The following TIMM44 variants were observed in gnomAD, a reference collection of about 807,000 sequenced individuals.
TIMM44 encodes the protein translocase of inner mitochondrial membrane 44, also known as mitochondrial import inner membrane translocase subunit TIM44.
TIMM44 carries 37 observed loss-of-function variants against 63.8 expected under a neutral mutation model. The observed-to-expected ratio is 0.58, with a 90% CI of 0.45 to 0.76. The LOEUF (loss-of-function observed/expected upper bound fraction) is 0.76, where lower values mean the gene tolerates loss of function less well. TIMM44 is among the 30% of genes least tolerant of loss of function. The pLI is 0.00. For missense variants in TIMM44, 573 were observed against 603.8 expected (o/e 0.95, Z 0.54); for synonymous variants, 239 against 245.1 (o/e 0.98, Z 0.23).
At position 7,943,469 on chromosome 19, in the gene TIMM44, AC is replaced by A; in HGVS notation, c.45+137del. ...TGTGCCCCCTGTCCTGGCCTCTGCT[AC>A]CCAAAGATCTAACCCCAAGCTTTCT... On this transcript the variant is annotated intron_variant, in intron 1 of 12. Transcript: ENST00000270538. This position sits in a 1 kb window ranked among gnomAD's most constrained non-coding sequence, Gnocchi z 4.3. 1 of 1,057,808 alleles carries A rather than the reference AC, an allele frequency of 9.5e-7. No individual in the cohort carries two copies. Among genetic ancestry groups the A allele is most frequent in the Non-Finnish European group, 1.4e-6 (1 of 717,058 alleles). 65.5% of individuals were successfully genotyped at this position (1,057,808 alleles called of 1,614,324 possible).
chr19:7,937,547 C>A (rs1388668485), intron 3 of TIMM44, among the ~76,000 whole-genome samples: 1 of 152,206 alleles, frequency 6.6e-6, no homozygotes, highest in African/African-American at 2.4e-5. Flanking sequence ...ATGGCAGAAC[C>A]CAGAGGCCTG....
Position 7,940,232 on chromosome 19 carries a change from T to TA in TIMM44, c.141+869dup, listed in dbSNP as rs570613284. Among the ~76,000 whole-genome samples, 1,838 of 139,254 alleles carry TA rather than the reference T, an allele frequency of 0.013. 124 individuals are homozygous for TA. In the East Asian group the frequency reaches 0.16, roughly 12 times the overall value. 91.4% of individuals were successfully genotyped at this position (139,254 alleles called of 152,430 possible). A position where few individuals can be genotyped will look rare whatever the true frequency, so the allele number is the denominator to read the frequency against. ...TGGGCCACAGAGTGAGACCCTATCT[T>TA]AAAAAAAAAAAAAAGCCCAGTGCTG... On this transcript the variant is annotated intron_variant, in intron 2 of 12. Transcript: ENST00000270538.
intron 3 of TIMM44, 91 bp from the exon 4 acceptor site, chr19:7,935,236 G>A (rs753221739): frequency 8.6e-7 from 1 of 1,161,664 alleles, no homozygotes; most frequent in Non-Finnish European, 1.2e-6. Context: ...CACGCTCTCG[G>A]CTCACTGCAA....
chr19:7,931,126 G>C lies in TIMM44; in HGVS notation c.1038+12C>G. On this transcript the variant is annotated intron_variant, in intron 10 of 12. Coordinates refer to ENST00000270538, the MANE Select transcript of TIMM44 (RefSeq NM_006351.4). Reference sequence around the variant, plus strand: ...TTAAAAAAAAAAAAAGAAAAAGAAAGGAAGTACTCACAGCTTCATAGCACC... The same window carrying C: ...TTAAAAAAAAAAAAAGAAAAAGAAACGAAGTACTCACAGCTTCATAGCACC... The C allele has an allele frequency of 6.2e-7, 1 of 1,610,040 alleles. No homozygotes were observed. Among genetic ancestry groups the C allele is most frequent in the Non-Finnish European group, 8.5e-7 (1 of 1,178,090 alleles).
Position 7,935,054 on chromosome 19 carries a change from G to A in TIMM44, c.393+11C>T, listed in dbSNP as rs201390882. 1 of 1,611,008 alleles carries A rather than the reference G, an allele frequency of 6.2e-7. No homozygotes were observed. The highest frequency in any genetic ancestry group is 1.7e-5 in the Admixed American group (1 of 59,748). On this transcript the variant is annotated intron_variant, in intron 4 of 12. Transcript: ENST00000270538. The stretch of plus-strand genomic sequence containing the variant: ...GGCCCCAGCGGCTCCAGGCGGGCGT[G>A]GAACTGTTACCTCCTTCACGGTGCC...
At chr19:7,932,552 G>A in intron 9 of TIMM44, 75 bp downstream of exon 9, 1 of 1,593,638 alleles carries the variant, frequency 6.3e-7, no homozygotes, top group Non-Finnish European at 8.6e-7. Flanking sequence ...AGCACCCAGG[G>A]TGCCGGCTGC....
At chr19:7,941,575 C>A (rs911559536) in intron 1 of TIMM44, among the ~76,000 whole-genome samples, 1 of 151,966 alleles carries the variant, frequency 6.6e-6, no homozygotes, top group South Asian at 2.1e-4. Flanking sequence ...CAGGCATGAG[C>A]CACTGCACCT....
chr19:7,939,436 AC>A (rs34280606), intron 2 of TIMM44, among the ~76,000 whole-genome samples: 14,411 of 151,456 alleles, frequency 0.095, 802 homozygotes, highest in African/African-American at 0.16. Flanking sequence ...ACATAGTGAA[AC>A]CCCCGTCTCT....
intron 10 of TIMM44, 145 bp from the exon 11 acceptor site, chr19:7,928,311 G>C (rs1983877740): frequency 9.1e-6 from 6 of 661,178 alleles, no homozygotes; most frequent in South Asian, 1.8e-5. Flanking sequence ...TCCAAGTGGG[G>C]AGGCAGGTGC....
rs1984101708 is a variant in TIMM44, at chr19:7,934,957, C to A, written c.393+108G>T. On this transcript the variant is annotated intron_variant, in intron 4 of 12. Coordinates refer to ENST00000270538, the MANE Select transcript of TIMM44 (RefSeq NM_006351.4). This position sits in a 1 kb window ranked among gnomAD's most constrained non-coding sequence, Gnocchi z 5.3. ...AGGGTGGCAGCACGCCCCATGCCAC[C>A]CACTGCTGCCAAGCCACCCCCACCC... 4.0e-6 allele frequency: 4 copies of A among 993,356 alleles called. No individual in the cohort carries two copies. Among genetic ancestry groups the A allele is most frequent in the Non-Finnish European group, 6.2e-6 (4 of 642,368 alleles). 61.5% of individuals were successfully genotyped at this position (993,356 alleles called of 1,614,324 possible).
At chr19:7,928,227 G>C (rs896107078) in intron 10 of TIMM44, 61 bp from the exon 11 acceptor site, 2 of 1,430,798 alleles carry the variant, frequency 1.4e-6, no homozygotes, top group East Asian at 2.4e-5. Context: ...ACGCCACACA[G>C]AGCTGCTGCC....
chr19:7,941,283 A>C (rs1599652716), intron 1 of TIMM44, 86 bp from the exon 2 acceptor site: 18 of 1,039,622 alleles, frequency 1.7e-5, no homozygotes, highest in Admixed American at 7.2e-5. Context: ...CAGCAGGGTC[A>C]CCTGCAACTC....
chr19:7,943,316 G>A lies in TIMM44; in HGVS notation c.45+291C>T, dbSNP rs56097243. Among the ~76,000 whole-genome samples, 4,661 of 152,074 alleles carry A rather than the reference G, an allele frequency of 0.031. 91 individuals carry two copies. Among genetic ancestry groups the A allele is most frequent in the Non-Finnish European group, 0.049 (3,350 of 67,988 alleles). ...TTTTTCCACGGGACGCCGCCGCCCC[G>A]GCTACCATTCTCTCTCCTGTATACG... On this transcript the variant is annotated intron_variant, in intron 1 of 12. Transcript: ENST00000270538. The surrounding 1 kb of genome is among the most constrained non-coding windows in gnomAD (Gnocchi z 4.3).
At chr19:7,941,060 C>A in intron 2 of TIMM44, 42 bp downstream of exon 2, 7 of 1,544,592 alleles carry the variant, frequency 4.5e-6, no homozygotes, top group Non-Finnish European at 6.3e-6. Context: ...AATTTTCGGG[C>A]CTCCCCTGTG....
At chr19:7,937,038 G>GT (rs1328515497) in intron 3 of TIMM44, among the ~76,000 whole-genome samples, 1 of 152,154 alleles carries the variant, frequency 6.6e-6, no homozygotes, top group Non-Finnish European at 1.5e-5. Context: ...GGAGGCAGAG[G>GT]TTGTGTTGAG....
chr19:7,939,911 C>CAA (rs34650003), intron 2 of TIMM44, among the ~76,000 whole-genome samples: 1 of 150,572 alleles, frequency 6.6e-6, no homozygotes, highest in African/African-American at 2.4e-5. Flanking sequence ...GACTCTGTTT[C>CAA]AAAAAAACAA....
At chr19:7,940,020 C>T (rs1207136810) in intron 2 of TIMM44, among the ~76,000 whole-genome samples, 1 of 152,188 alleles carries the variant, frequency 6.6e-6, no homozygotes. Flanking sequence ...TATACCAGCT[C>T]CAGGTGGGAT....
At chr19:7,929,174 T>C (rs922300316) in intron 10 of TIMM44, among the ~76,000 whole-genome samples, 5 of 151,978 alleles carry the variant, frequency 3.3e-5, no homozygotes, top group Middle Eastern at 3.2e-3. Flanking sequence ...CCTGAGGAGA[T>C]GAGAGCTGGG....
intron 3 of TIMM44, among the ~76,000 whole-genome samples, chr19:7,936,738 C>T (rs1172604975): frequency 2.0e-5 from 3 of 152,144 alleles, no homozygotes; most frequent in Non-Finnish European, 2.9e-5. Context: ...GAAGCTGAGA[C>T]GGGCAGATCA....
Sources: allele counts gnomAD v4.1 joint callset (sites outside exome capture counted in the v4.1 genomes callset), GRCh38; gene constraint gnomAD v4.1.1; non-coding constraint Gnocchi (gnomAD v3.1); transcripts MANE v1.5; gene names NCBI Gene and HGNC (gene_info 2026-07-23, HGNC 2026-07-21).